PPP4R2: variants seen among roughly 807,000 people sequenced by gnomAD.
The protein encoded by PPP4R2 is serine/threonine-protein phosphatase 4 regulatory subunit 2.
In PPP4R2, 13 loss-of-function variants were observed where a neutral mutation model predicts 47.2. The ratio of observed to expected loss-of-function variants is 0.28; its 90% CI spans 0.18 to 0.44. PPP4R2 has a LOEUF of 0.44. PPP4R2 is among the 20% of genes least tolerant of loss of function. The pLI, the probability that PPP4R2 is intolerant of heterozygous loss-of-function variation, is 1.00. For missense variants in PPP4R2, 421 were observed against 491.2 expected, an observed-to-expected ratio of 0.86 and a Z score of 1.35; for synonymous variants, 151 against 163.3, an observed-to-expected ratio of 0.92 and a Z score of 0.57.
chr3:73,064,217 C>G (rs954888731), intron 7 of PPP4R2, 71 bp downstream of exon 7: 1 of 1,294,632 alleles, frequency 7.7e-7, no homozygotes, highest in African/African-American at 1.5e-5. Context: ...CAGTACTTAT[C>G]ACTTACTATT....
chr3:73,064,916 G>A lies in PPP4R2; in HGVS notation c.703G>A (p.Glu235Lys), dbSNP rs1455967445. The change falls in exon 8 of 9, where the codon GAA (glutamate) becomes AAA (lysine). Residue 235 changes from glutamate to lysine, a missense_variant. This residue lies in a region of PPP4R2 where 317 missense variants were observed against 287.5 expected (regional missense o/e 1.10). Coordinates refer to ENST00000356692, the MANE Select transcript of PPP4R2 (RefSeq NM_174907.4). ...VSPLKNKHPD[E>K]DAVEAEGHEV... Reference sequence around the variant, plus strand: ...CCCTTTGAAAAATAAACATCCAGATGAAGATGCTGTGGAAGCTGAGGGGCA... The same window carrying A: ...CCCTTTGAAAAATAAACATCCAGATAAAGATGCTGTGGAAGCTGAGGGGCA... The A allele has an allele frequency of 6.2e-7, 1 of 1,613,700 alleles. No homozygotes were observed. The highest frequency in any genetic ancestry group is 1.3e-5 in the African/African-American group (1 of 74,904).
chr3:73,032,922 A>G (rs1702195961), intron 2 of PPP4R2, among the ~76,000 whole-genome samples: 1 of 152,160 alleles, frequency 6.6e-6, no homozygotes, highest in African/African-American at 2.4e-5. Context: ...TTTAAAAAAA[A>G]TCTCTTGTTG....
chr3:73,028,723 T>C (rs974111256), intron 2 of PPP4R2, among the ~76,000 whole-genome samples: 1 of 151,972 alleles, frequency 6.6e-6, no homozygotes, highest in Non-Finnish European at 1.5e-5. Context: ...CAGGCACTTT[T>C]GTGAGCCACT....
chr3:73,001,457 C>A (rs934110687), intron 2 of PPP4R2, among the ~76,000 whole-genome samples: 10 of 139,000 alleles, frequency 7.2e-5, no homozygotes, highest in Admixed American at 4.2e-4. Context: ...CCAGCTACTC[C>A]CAGCTACTTG....
chr3:73,067,667 G>C lies in PPP4R2; in HGVS notation c.*1945G>C, dbSNP rs1703028953. The stretch of plus-strand genomic sequence containing the variant: ...TCAGTAAACTTACCTAAGATCCTGT[G>C]ACCTTTTGATATTTTTTATTTTAAT... On this transcript the variant is annotated 3_prime_UTR_variant, in exon 9 of 9. Coordinates refer to ENST00000356692, the MANE Select transcript of PPP4R2 (RefSeq NM_174907.4). The C allele has an allele frequency of 6.6e-6, 1 of 152,036 alleles. No individual in the cohort carries two copies. 9.4% of individuals were successfully genotyped at this position (152,036 alleles called of 1,614,324 possible).
rs1702995204 is a variant in PPP4R2, at chr3:73,066,263, A to ATATATATATATATATATAT, written c.*542_*543insATATATATATATATATATT. The ATATATATATATATATATAT allele has an allele frequency of 1.2e-5, 1 of 83,302 alleles. No homozygotes were observed. The highest frequency in any genetic ancestry group is 1.1e-4 in the Admixed American group (1 of 9,376). 5.2% of individuals were successfully genotyped at this position (83,302 alleles called of 1,614,324 possible). ...ACATATATATATATATATATATATA[A>ATATATATATATATATATAT]TTCTAAGGGGGGAAATGTTATATTT... On this transcript the variant is annotated 3_prime_UTR_variant, in exon 9 of 9. Coordinates refer to ENST00000356692, the MANE Select transcript of PPP4R2 (RefSeq NM_174907.4).
chr3:73,035,636 CA>C (rs1702248038), intron 2 of PPP4R2, among the ~76,000 whole-genome samples: 1 of 150,926 alleles, frequency 6.6e-6, no homozygotes, highest in Non-Finnish European at 1.5e-5. Context: ...TTTTTTTTTC[CA>C]TTTTTGAGAT....
At chr3:73,057,629 A>G (rs1308857038) in intron 3 of PPP4R2, among the ~76,000 whole-genome samples, 1 of 152,194 alleles carries the variant, frequency 6.6e-6, no homozygotes, top group Non-Finnish European at 1.5e-5. Context: ...TCATATGAAT[A>G]ACATGCACTT....
In PPP4R2 at chr3:73,021,000, C is replaced by T. The variant is rs558862727; in HGVS notation, c.116+22842C>T. Among the ~76,000 whole-genome samples the T allele has an allele frequency of 8.6e-4, 130 of 151,988 alleles. 1 individual carries two copies. The highest frequency in any genetic ancestry group is 1.3e-3 in the Non-Finnish European group (91 of 67,988). On this transcript the variant is annotated intron_variant, in intron 2 of 8. Transcript: ENST00000356692. Reference sequence around the variant, plus strand: ...ATGAATTTTAGTGGTGTGGGGCAGGCGGGTAAGGGCACACATTTGGTATGT... The same window carrying T: ...ATGAATTTTAGTGGTGTGGGGCAGGTGGGTAAGGGCACACATTTGGTATGT...
Position 73,002,629 on chromosome 3 carries a change from C to CTTTTTTTTTTTTTTTTTTTTT in PPP4R2, c.116+4475_116+4476insTTTTTTTTTTTTTTTTTTTTT, listed in dbSNP as rs1245599779. ...TTTTTCTTTTCTTTTCTTTTCTTTT[C>CTTTTTTTTTTTTTTTTTTTTT]TTTTCTTTTTTTTTTTTTTTTTTTT... is the stretch of plus-strand genomic sequence containing the variant. On this transcript the variant is annotated intron_variant, in intron 2 of 8. Coordinates refer to ENST00000356692, the MANE Select transcript of PPP4R2 (RefSeq NM_174907.4). Among the ~76,000 whole-genome samples the CTTTTTTTTTTTTTTTTTTTTT allele has an allele frequency of 1.2e-3, 97 of 82,970 alleles. 8 individuals carry two copies. Among genetic ancestry groups the CTTTTTTTTTTTTTTTTTTTTT allele is most frequent in the Non-Finnish European group, 1.8e-3 (73 of 41,608 alleles). 54.4% of individuals were successfully genotyped at this position (82,970 alleles called of 152,430 possible).
chr3:73,065,551 T>C lies in PPP4R2; in HGVS notation c.1083T>C (p.Ser361=). ...AAGCTGAGAAAGATTTGCTACATTC[T>C]GAAGGTAGTGAAAACGAAGGCCCTG... is the stretch of plus-strand genomic sequence containing the variant. ...VSQAEKDLLH[S]EGSENEGPVS... The change falls in exon 9 of 9, where the codon TCT becomes TCC. Residue 361 remains serine, a synonymous_variant. Coordinates refer to ENST00000356692, the MANE Select transcript of PPP4R2 (RefSeq NM_174907.4). 1 of 1,612,942 alleles carries C rather than the reference T, an allele frequency of 6.2e-7. No homozygotes were observed. Among genetic ancestry groups the C allele is most frequent in the Non-Finnish European group, 8.5e-7 (1 of 1,179,696 alleles).
intron 2 of PPP4R2, among the ~76,000 whole-genome samples, chr3:73,007,723 A>C (rs973713795): frequency 6.6e-6 from 1 of 152,076 alleles, no homozygotes; most frequent in African/African-American, 2.4e-5. Context: ...TCTTGACCTC[A>C]AGTGATCGAC....
chr3:73,043,614 T>C (rs1435693017), intron 2 of PPP4R2, among the ~76,000 whole-genome samples: 1 of 152,232 alleles, frequency 6.6e-6, no homozygotes, highest in Non-Finnish European at 1.5e-5. Context: ...TCATTATTCA[T>C]CTTTTTGATT....
intron 2 of PPP4R2, among the ~76,000 whole-genome samples, chr3:73,031,062 A>C (rs1368010039): frequency 1.3e-5 from 2 of 152,148 alleles, no homozygotes; most frequent in African/African-American, 4.8e-5. Flanking sequence ...CAGAGGGTTG[A>C]GGGACAGTAA....
At chr3:73,000,847 G>A (rs963114024) in intron 2 of PPP4R2, among the ~76,000 whole-genome samples, 7 of 152,114 alleles carry the variant, frequency 4.6e-5, no homozygotes, top group Non-Finnish European at 8.8e-5. Flanking sequence ...GGAACATATG[G>A]TGTGTTTCAA....
intron 2 of PPP4R2, among the ~76,000 whole-genome samples, chr3:73,013,633 C>G (rs923472820): frequency 2.9e-5 from 4 of 139,092 alleles, no homozygotes; most frequent in Admixed American, 7.3e-5. Flanking sequence ...ATTTAGATAC[C>G]TTTTTTCTTT....
intron 5 of PPP4R2, 189 bp downstream of exon 5, chr3:73,061,249 CATTAAAGAGATTTGG>C: frequency 3.3e-6 from 1 of 300,638 alleles, no homozygotes; most frequent in East Asian, 5.3e-5. Flanking sequence ...ATGTTTTTTC[CATTAAAGAGATTTGG>C]ATTAAAGAGA....
intron 2 of PPP4R2, among the ~76,000 whole-genome samples, chr3:73,022,497 T>A (rs1472729506): frequency 6.6e-6 from 1 of 152,208 alleles, no homozygotes; most frequent in Admixed American, 6.5e-5. Flanking sequence ...TAGTTCATAA[T>A]GTGAGAGAGC....
intron 3 of PPP4R2, among the ~76,000 whole-genome samples, chr3:73,057,101 A>G (rs1702745453): frequency 6.6e-6 from 1 of 152,192 alleles, no homozygotes; most frequent in Non-Finnish European, 1.5e-5. Context: ...TTGAAGAGCC[A>G]TGAACTAGAA....
Sources: gnomAD v4.1 joint callset for allele counts (sites outside exome capture counted in the v4.1 genomes callset) on GRCh38, gnomAD v4.1.1 for gene constraint, gnomAD v4.1.1 regional missense constraint, MANE v1.5 for transcripts, NCBI Gene and HGNC (gene_info 2026-07-23, HGNC 2026-07-21) for gene names.